Variants in RGS6 observed in about 807,000 individuals in gnomAD.
RGS6 encodes regulator of G-protein signaling 6.
RGS6 carries 30 observed loss-of-function variants against 78.5 expected under a neutral mutation model. That is an observed-to-expected ratio of 0.38 (90% CI 0.29 to 0.52). The LOEUF (loss-of-function observed/expected upper bound fraction) is 0.52, where lower values mean the gene tolerates loss of function less well. Among genes scored for constraint, RGS6 ranks in the 20% least tolerant of loss-of-function variants. RGS6 has a pLI of 0.85. For synonymous variants in RGS6, 206 were observed against 206.0 expected (o/e 1.00, Z 0.00); for missense variants, 495 against 609.7 (o/e 0.81, Z 1.98).
At chr14:72,457,601 T>C (rs940480922) in intron 4 of RGS6, among the ~76,000 whole-genome samples, 1 of 151,698 alleles carries the variant, frequency 6.6e-6, no homozygotes, top group Non-Finnish European at 1.5e-5. Flanking sequence ...CAACTTTCTA[T>C]GTGCATCTAT....
intron 3 of RGS6, among the ~76,000 whole-genome samples, chr14:72,394,558 C>A (rs1335579940): frequency 6.6e-6 from 1 of 152,182 alleles, no homozygotes; most frequent in African/African-American, 2.4e-5. Context: ...AAAAAGACTT[C>A]AGCAATATTT....
At chr14:72,388,976 A>G (rs1403771093) in intron 3 of RGS6, among the ~76,000 whole-genome samples, 1 of 151,844 alleles carries the variant, frequency 6.6e-6, no homozygotes, top group Non-Finnish European at 1.5e-5. Context: ...TAGTATTGTT[A>G]CTGTGATGTC....
chr14:72,330,704 G>T (rs985193175), intron 2 of RGS6, among the ~76,000 whole-genome samples: 1 of 152,144 alleles, frequency 6.6e-6, no homozygotes, highest in African/African-American at 2.4e-5. Context: ...AATATTGCAT[G>T]CTTGTCAGAA....
chr14:72,584,404 T>G, the RGS6 span, among the ~76,000 whole-genome samples: 17 of 152,270 alleles, frequency 1.1e-4, no homozygotes, highest in South Asian at 3.1e-3. Context: ...ATAAGTGCTA[T>G]GCAGAAAAGT....
At chr14:72,343,416 C>T (rs953726469) in intron 2 of RGS6, among the ~76,000 whole-genome samples, 2 of 152,204 alleles carry the variant, frequency 1.3e-5, no homozygotes, top group Non-Finnish European at 2.9e-5. Flanking sequence ...AGGTCTTCTG[C>T]TTTCAAGGAC....
intron 10 of RGS6, among the ~76,000 whole-genome samples, chr14:72,476,154 A>G (rs2096240182): frequency 6.6e-6 from 1 of 152,210 alleles, no homozygotes; most frequent in Non-Finnish European, 1.5e-5. Flanking sequence ...CTTTAAATGT[A>G]GCTATAGCTA....
chr14:72,345,542 G>A (rs554291913), intron 2 of RGS6, among the ~76,000 whole-genome samples: 5 of 152,316 alleles, frequency 3.3e-5, no homozygotes, highest in South Asian at 2.1e-4. Flanking sequence ...GAAGGGAGCC[G>A]TGATGGTTTT....
chr14:72,242,788 A>T (rs922148114), intron 2 of RGS6, among the ~76,000 whole-genome samples: 1 of 149,554 alleles, frequency 6.7e-6, no homozygotes, highest in Admixed American at 6.6e-5. Context: ...ATTTTCAAAA[A>T]TTTTTTAAAC....
intron 2 of RGS6, among the ~76,000 whole-genome samples, chr14:72,176,697 A>T (rs1252321356): frequency 6.6e-6 from 1 of 152,186 alleles, no homozygotes; most frequent in African/African-American, 2.4e-5. Flanking sequence ...ATTTGAATCT[A>T]CCTGAATAGA....
chr14:72,153,717 G>T (rs557164460), intron 2 of RGS6, among the ~76,000 whole-genome samples: 3 of 152,290 alleles, frequency 2.0e-5, no homozygotes, highest in South Asian at 2.1e-4. Context: ...AGGGGAGGGG[G>T]TGTACGACCA....
At chr14:72,174,720 G>C (rs972023375) in intron 2 of RGS6, among the ~76,000 whole-genome samples, 13 of 152,068 alleles carry the variant, frequency 8.5e-5, no homozygotes, top group African/African-American at 3.1e-4. Flanking sequence ...AGATTGGAAG[G>C]GACTTGGTGC....
intron 2 of RGS6, among the ~76,000 whole-genome samples, chr14:72,292,548 T>C (rs955100797): frequency 9.2e-5 from 14 of 152,198 alleles, no homozygotes; most frequent in African/African-American, 2.9e-4. Context: ...CTCTAGTCTG[T>C]TAAACTTCTA....
the RGS6 span, chr14:72,629,577 C>CCAGCTCT: frequency 2.0e-6 from 3 of 1,499,280 alleles, no homozygotes; most frequent in East Asian, 4.9e-5. Context: ...TCAAAGGACC[C>CCAGCTCT]CAGCTCTGTG....
At chr14:72,577,103 A>G in the RGS6 span, among the ~76,000 whole-genome samples, 9 of 152,360 alleles carry the variant, frequency 5.9e-5, 1 homozygote, top group Admixed American at 5.9e-4. Flanking sequence ...TGAAGTTCCC[A>G]ACAGGGGGCT....
At chr14:72,107,368 T>C (rs2153538314) in intron 2 of RGS6, among the ~76,000 whole-genome samples, 1 of 152,348 alleles carries the variant, frequency 6.6e-6, no homozygotes, top group African/African-American at 2.4e-5. Context: ...AACTTGGCTC[T>C]TGATTCCTTT....
Position 72,495,278 on chromosome 14 carries a change from AG to A in RGS6, c.965+18del. The stretch of plus-strand genomic sequence containing the variant: ...TAGAGATGAGGTAAAAAATGTTTTA[AG>A]GTTTGGGAGTGGGATGAATGTAGAC... On this transcript the variant is annotated intron_variant, in intron 13 of 17. Coordinates refer to ENST00000553525, the MANE Select transcript of RGS6 (RefSeq NM_001204424.2). The A allele has an allele frequency of 6.7e-7, 1 of 1,502,678 alleles. No homozygotes were observed. Among genetic ancestry groups the A allele is most frequent in the Non-Finnish European group, 9.3e-7 (1 of 1,078,246 alleles). The allele number at this position is 1,502,678 out of a possible 1,614,324, so 93.1% of individuals were successfully genotyped here. A position where few individuals can be genotyped will look rare whatever the true frequency, so the allele number is the denominator to read the frequency against.
chr14:72,095,244 G>A (rs2095375219), intron 2 of RGS6, among the ~76,000 whole-genome samples: 1 of 152,020 alleles, frequency 6.6e-6, no homozygotes, highest in African/African-American at 2.4e-5. Flanking sequence ...AGTGCATTTG[G>A]CTGCAGGTAA....
At chr14:71,886,141 T>C in the RGS6 span, among the ~76,000 whole-genome samples, 1 of 152,182 alleles carries the variant, frequency 6.6e-6, no homozygotes, top group African/African-American at 2.4e-5. Context: ...AACTTAAATT[T>C]TTGGACTGAA....
At chr14:72,257,905 C>T (rs1182206527) in intron 2 of RGS6, among the ~76,000 whole-genome samples, 3 of 152,192 alleles carry the variant, frequency 2.0e-5, no homozygotes, top group African/African-American at 4.8e-5. Context: ...AAAACCACTG[C>T]TCTAGCATTG....
Sources: gnomAD v4.1 joint callset for allele counts (sites outside exome capture counted in the v4.1 genomes callset) on GRCh38, gnomAD v4.1.1 for gene constraint, MANE v1.5 for transcripts, NCBI Gene and HGNC (gene_info 2026-07-23, HGNC 2026-07-21) for gene names.